The following PCDH9 variants were observed in gnomAD, a reference collection of about 807,000 sequenced individuals.
PCDH9 encodes the protein protocadherin-9.
Under a neutral mutation model 70.6 loss-of-function variants are expected in PCDH9, and 24 were observed. That is an observed-to-expected ratio of 0.34 (90% CI 0.25 to 0.48). PCDH9 has a LOEUF of 0.48. Ranked by LOEUF, PCDH9 falls within the 20% of genes least tolerant of loss-of-function variation. PCDH9 has a pLI of 0.99. For synonymous variants in PCDH9, 562 were observed against 558.5 expected (o/e 1.01, Z -0.09); for missense variants, 1,281 against 1,503.6 (o/e 0.85, Z 2.45).
chr13:66,823,434 T>C (rs1594106369), intron 3 of PCDH9, among the ~76,000 whole-genome samples: 1 of 151,682 alleles, frequency 6.6e-6, no homozygotes, highest in African/African-American at 2.4e-5. Context: ...AATTATATTA[T>C]AAAGATAATA....
chr13:66,351,869 C>T (rs1555283845), intron 4 of PCDH9, among the ~76,000 whole-genome samples: 1 of 146,706 alleles, frequency 6.8e-6, no homozygotes, highest in Non-Finnish European at 1.5e-5. Context: ...GACAGAGATT[C>T]ACTCTTATTG....
chr13:66,754,211 C>T (rs1473219839), intron 3 of PCDH9, among the ~76,000 whole-genome samples: 3 of 151,870 alleles, frequency 2.0e-5, no homozygotes, highest in East Asian at 3.9e-4. Flanking sequence ...CATCACGCAC[C>T]TGTCAGGGCC....
At chr13:66,712,206 C>T (rs756019667) in intron 3 of PCDH9, among the ~76,000 whole-genome samples, 5 of 152,124 alleles carry the variant, frequency 3.3e-5, no homozygotes, top group Admixed American at 6.5e-5. Context: ...AAAAATATTT[C>T]CTTTTAGTTT....
intron 4 of PCDH9, among the ~76,000 whole-genome samples, chr13:66,334,123 C>T (rs1955989427): frequency 1.3e-5 from 2 of 152,108 alleles, no homozygotes; most frequent in African/African-American, 2.4e-5. Flanking sequence ...CTATCAAACA[C>T]ATACTACTTA....
chr13:67,134,545 C>T (rs1344461260), intron 2 of PCDH9, among the ~76,000 whole-genome samples: 8 of 152,052 alleles, frequency 5.3e-5, no homozygotes, highest in Non-Finnish European at 1.0e-4. Context: ...CTCTTGCTGC[C>T]TTTTCCTCTA....
chr13:67,072,197 C>G (rs576292594), intron 2 of PCDH9, among the ~76,000 whole-genome samples: 1 of 152,214 alleles, frequency 6.6e-6, no homozygotes, highest in South Asian at 2.1e-4. Context: ...ACCACAGAAG[C>G]AAAAAGGTCA....
At chr13:67,134,597 C>A (rs563894838) in intron 2 of PCDH9, among the ~76,000 whole-genome samples, 13 of 152,110 alleles carry the variant, frequency 8.5e-5, no homozygotes, top group African/African-American at 2.6e-4. Context: ...GTTTTTCTTC[C>A]TTTCTTTCTT....
intron 4 of PCDH9, among the ~76,000 whole-genome samples, chr13:66,393,940 T>G (rs1398643781): frequency 2.6e-5 from 4 of 152,100 alleles, no homozygotes; most frequent in Admixed American, 6.6e-5. Context: ...TCTGTAGAGT[T>G]TTTTAGGAGC....
chr13:66,385,987 C>T (rs868343684), intron 4 of PCDH9, among the ~76,000 whole-genome samples: 6 of 143,000 alleles, frequency 4.2e-5, no homozygotes, highest in South Asian at 2.2e-4. Flanking sequence ...TTTTAAGAAA[C>T]GTATCTGATA....
chr13:66,838,204 C>A (rs1484089396), intron 3 of PCDH9, among the ~76,000 whole-genome samples: 1 of 152,070 alleles, frequency 6.6e-6, no homozygotes, highest in Admixed American at 6.6e-5. Flanking sequence ...TACAGTCTAA[C>A]TGGAAAGCTA....
chr13:67,193,616 T>G (rs753601810), intron 2 of PCDH9, among the ~76,000 whole-genome samples: 1 of 152,126 alleles, frequency 6.6e-6, no homozygotes, highest in Non-Finnish European at 1.5e-5. Context: ...TATAAATAAA[T>G]AATGCCTTGT....
intron 4 of PCDH9, among the ~76,000 whole-genome samples, chr13:66,621,573 CAT>C (rs1421381283): frequency 6.6e-6 from 1 of 152,196 alleles, no homozygotes; most frequent in African/African-American, 2.4e-5. Context: ...ATTGTAGACT[CAT>C]AAACTATGTG....
chr13:66,321,404 T>A (rs1007935377), intron 4 of PCDH9, among the ~76,000 whole-genome samples: 1 of 152,040 alleles, frequency 6.6e-6, no homozygotes, highest in African/African-American at 2.4e-5. Flanking sequence ...ATGAGATTTT[T>A]AAAGATGGAA....
chr13:66,543,215 C>A (rs532473458), intron 4 of PCDH9, among the ~76,000 whole-genome samples: 3 of 151,940 alleles, frequency 2.0e-5, no homozygotes, highest in Admixed American at 6.6e-5. Context: ...CACTAGTAGA[C>A]AGAATGAAAT....
intron 2 of PCDH9, among the ~76,000 whole-genome samples, chr13:67,084,381 T>C (rs1311816928): frequency 6.6e-6 from 1 of 152,116 alleles, no homozygotes; most frequent in Admixed American, 6.6e-5. Flanking sequence ...GATCCCAAAT[T>C]GTTAAATAAA....
At chr13:67,225,258 G>A (rs931729582) in intron 2 of PCDH9, 147 bp downstream of exon 2, 39 of 1,272,514 alleles carry the variant, frequency 3.1e-5, no homozygotes, top group Admixed American at 5.6e-5. Flanking sequence ...CTGAGCCCCA[G>A]AGGAATAGAA....
intron 4 of PCDH9, among the ~76,000 whole-genome samples, chr13:66,544,697 A>G (rs1439329280): frequency 6.6e-6 from 1 of 152,176 alleles, no homozygotes; most frequent in Non-Finnish European, 1.5e-5. Flanking sequence ...AGAACTTTCT[A>G]TGAAAGGAGA....
chr13:66,615,508 A>G (rs1263896729), intron 4 of PCDH9, among the ~76,000 whole-genome samples: 1 of 152,210 alleles, frequency 6.6e-6, no homozygotes, highest in African/African-American at 2.4e-5. Flanking sequence ...CTATTCATAG[A>G]CAATTGTCAT....
intron 2 of PCDH9, chr13:66,985,769 GT>G (rs1333828439): frequency 3.9e-5 from 6 of 151,994 alleles, no homozygotes; most frequent in Non-Finnish European, 7.4e-5. Context: ...TAAATGTTTA[GT>G]TGTGTATGTG....
Sources: gnomAD v4.1 joint callset for allele counts (sites outside exome capture counted in the v4.1 genomes callset) on GRCh38, gnomAD v4.1.1 for gene constraint, MANE v1.5 for transcripts, NCBI Gene and HGNC (gene_info 2026-07-23, HGNC 2026-07-21) for gene names.